Variants in RASAL2 observed in about 807,000 individuals in gnomAD.
The protein encoded by RASAL2 is RAS protein activator like 2.
Under a neutral mutation model 128.9 loss-of-function variants are expected in RASAL2, and 58 were observed. That is an observed-to-expected ratio of 0.45 (90% CI 0.36 to 0.56). The LOEUF is 0.56. RASAL2 is among the 20% of genes least tolerant of loss of function. The probability of loss-of-function intolerance (pLI) is 0.00; values close to 1 mark genes in which losing one functional copy is unlikely to be tolerated. For missense variants in RASAL2, 1,360 were observed against 1,601.6 expected (o/e 0.85, Z 2.57); for synonymous variants, 561 against 580.8 (o/e 0.97, Z 0.49).
chr1:178,157,456 G>T (rs894716150), intron 1 of RASAL2, among the ~76,000 whole-genome samples: 5 of 152,136 alleles, frequency 3.3e-5, no homozygotes, highest in African/African-American at 1.2e-4. Flanking sequence ...TTTTGCCCTT[G>T]TGTGGAGTGG....
intron 1 of RASAL2, among the ~76,000 whole-genome samples, chr1:178,184,052 T>C (rs535813732): frequency 1.3e-5 from 2 of 152,354 alleles, no homozygotes; most frequent in East Asian, 3.9e-4. Context: ...TAATGAAAGA[T>C]GATGTTGATC....
In RASAL2 at chr1:178,476,316, G is replaced by A. The variant is rs1328200967; in HGVS notation, c.*3077G>A. ...CATATTCCCCTTTTATATTACTGAAGCAATAAGCAATCTGAGCTGAAGCAG... is the reference window on the plus strand; with the variant it reads ...CATATTCCCCTTTTATATTACTGAAACAATAAGCAATCTGAGCTGAAGCAG... On this transcript the variant is annotated 3_prime_UTR_variant, in exon 18 of 18. Coordinates refer to ENST00000367649, the MANE Select transcript of RASAL2 (RefSeq NM_170692.4). The A allele has an allele frequency of 6.6e-6, 1 of 152,178 alleles. No homozygotes were observed. The highest frequency in any genetic ancestry group is 1.5e-5 in the Non-Finnish European group (1 of 68,018). 9.4% of individuals were successfully genotyped at this position (152,178 alleles called of 1,614,324 possible).
At chr1:178,147,983 A>G (rs896930768) in intron 1 of RASAL2, among the ~76,000 whole-genome samples, 2 of 152,094 alleles carry the variant, frequency 1.3e-5, no homozygotes, top group Non-Finnish European at 2.9e-5. Flanking sequence ...AGGCAGGAGA[A>G]TCGCTTGAAC....
intron 1 of RASAL2, among the ~76,000 whole-genome samples, chr1:178,259,147 T>C (rs901486793): frequency 7.5e-5 from 10 of 133,814 alleles, no homozygotes; most frequent in East Asian, 4.2e-4. Flanking sequence ...TTTTTTTTTT[T>C]TGAGACGGAG....
chr1:178,185,806 T>C (rs893089172), intron 1 of RASAL2, among the ~76,000 whole-genome samples: 1 of 152,136 alleles, frequency 6.6e-6, no homozygotes, highest in African/African-American at 2.4e-5. Context: ...GTTGAGAGTC[T>C]TTATATTCAT....
chr1:178,360,021 G>C (rs768104529), intron 3 of RASAL2, among the ~76,000 whole-genome samples: 5 of 152,184 alleles, frequency 3.3e-5, no homozygotes, highest in Non-Finnish European at 7.3e-5. Context: ...ATTTACCCCA[G>C]TTCTTGCCCA....
chr1:178,274,881 G>A (rs1458042190), intron 1 of RASAL2, among the ~76,000 whole-genome samples: 3 of 152,096 alleles, frequency 2.0e-5, no homozygotes, highest in East Asian at 3.9e-4. Context: ...ATGAGCCACC[G>A]TGCTTGGCTA....
At chr1:178,285,360 T>A (rs1045767351) in intron 2 of RASAL2, among the ~76,000 whole-genome samples, 1 of 152,000 alleles carries the variant, frequency 6.6e-6, no homozygotes, top group African/African-American at 2.4e-5. Context: ...GACCTCATGA[T>A]CCACCCGCCT....
chr1:178,155,703 T>G (rs1394203783), intron 1 of RASAL2, among the ~76,000 whole-genome samples: 1 of 151,492 alleles, frequency 6.6e-6, no homozygotes, highest in African/African-American at 2.4e-5. Context: ...ACTTTCTCCC[T>G]CCGTTCTGCT....
intron 5 of RASAL2, among the ~76,000 whole-genome samples, chr1:178,423,996 T>C (rs1675333860): frequency 6.6e-6 from 1 of 152,112 alleles, no homozygotes; most frequent in African/African-American, 2.4e-5. Context: ...TTCTCTGATA[T>C]GTCAGTCTTT....
chr1:178,333,601 T>TA (rs994560875), intron 3 of RASAL2, among the ~76,000 whole-genome samples: 1 of 152,156 alleles, frequency 6.6e-6, no homozygotes, highest in Non-Finnish European at 1.5e-5. Flanking sequence ...ACCAGCATGT[T>TA]AGATACATTA....
chr1:178,107,637 C>T (rs1379489633), intron 1 of RASAL2, among the ~76,000 whole-genome samples: 1 of 152,150 alleles, frequency 6.6e-6, no homozygotes, highest in Non-Finnish European at 1.5e-5. Context: ...TTCCCCTCCT[C>T]TTAGCAGCTG....
At chr1:178,426,294 G>A (rs190684528) in intron 5 of RASAL2, among the ~76,000 whole-genome samples, 2 of 152,020 alleles carry the variant, frequency 1.3e-5, no homozygotes, top group African/African-American at 4.8e-5. Context: ...TGATATACCC[G>A]TACAATAGAA....
intron 1 of RASAL2, among the ~76,000 whole-genome samples, chr1:178,112,375 C>T (rs1659357971): frequency 1.3e-5 from 2 of 151,884 alleles, no homozygotes; most frequent in African/African-American, 2.4e-5. Context: ...TATGGTGAAA[C>T]CCCGTCTCTA....
At chr1:178,411,165 TACACAC>T (rs138482764) in intron 4 of RASAL2, among the ~76,000 whole-genome samples, 7,091 of 148,770 alleles carry the variant, frequency 0.048, 472 homozygotes, top group African/African-American at 0.15. Context: ...TGTGTGTGTG[TACACAC>T]ACACACACAC....
At position 178,458,391 on chromosome 1, in the gene RASAL2, T is replaced by C; in HGVS notation, c.3099T>C (p.Ala1033=). Residue 1033 remains alanine (A), a synonymous_variant, in exon 14 of 18, where the codon GCT becomes GCC. Coordinates refer to ENST00000367649, the MANE Select transcript of RASAL2 (RefSeq NM_170692.4). The part of the protein sequence containing the change: ...AKAPPSLPHS[A]SLRSTGSMSV... ...CCCCACCATCCCTGCCACACAGTGCTTCTTTACGTAGCACCGGGAGCATGT... is the reference window on the plus strand; with the variant it reads ...CCCCACCATCCCTGCCACACAGTGCCTCTTTACGTAGCACCGGGAGCATGT... 6.2e-7 allele frequency: 1 copy of C among 1,614,246 alleles called. No homozygotes were observed. Among genetic ancestry groups the C allele is most frequent in the Non-Finnish European group, 8.5e-7 (1 of 1,180,040 alleles).
chr1:178,116,419 A>G (rs1387276973), intron 1 of RASAL2, among the ~76,000 whole-genome samples: 1 of 152,046 alleles, frequency 6.6e-6, no homozygotes, highest in Non-Finnish European at 1.5e-5. Context: ...GTAAATCAGA[A>G]CTCTTATGCA....
At chr1:178,256,118 A>G (rs181218788) in intron 1 of RASAL2, among the ~76,000 whole-genome samples, 1 of 152,354 alleles carries the variant, frequency 6.6e-6, no homozygotes, top group Admixed American at 6.5e-5. Flanking sequence ...TCAATAAAAT[A>G]CTAGCAAATT....
At chr1:178,139,923 T>A (rs891840605) in intron 1 of RASAL2, among the ~76,000 whole-genome samples, 55 of 152,158 alleles carry the variant, frequency 3.6e-4, no homozygotes, top group African/African-American at 1.3e-3. Context: ...TTTACTTTGC[T>A]ATACATAATG....
Sources: gnomAD v4.1 joint callset for allele counts (sites outside exome capture counted in the v4.1 genomes callset) on GRCh38, gnomAD v4.1.1 for gene constraint, MANE v1.5 for transcripts, NCBI Gene and HGNC (gene_info 2026-07-23, HGNC 2026-07-21) for gene names.